The following DCC variants were observed in gnomAD, a reference collection of about 807,000 sequenced individuals.
The protein encoded by DCC is DCC netrin 1 receptor, also known as netrin receptor DCC.
A neutral mutation model predicts 172.5 loss-of-function variants in DCC; 58 were observed. The ratio of observed to expected loss-of-function variants is 0.34; its 90% CI spans 0.27 to 0.42. The LOEUF (loss-of-function observed/expected upper bound fraction) is 0.42. DCC is among the 10% of genes least tolerant of loss of function. DCC has a pLI of 1.00. For missense variants in DCC, 1,740 were observed against 1,791.0 expected (o/e 0.97, Z 0.51); for synonymous variants, 709 against 644.5 (o/e 1.10, Z -1.52).
intron 12 of DCC, among the ~76,000 whole-genome samples, chr18:53,250,495 T>A (rs2056415999): frequency 6.6e-6 from 1 of 151,848 alleles, no homozygotes; most frequent in South Asian, 2.1e-4. Context: ...CCCTCTGCCT[T>A]GTTTCACTCT....
intron 25 of DCC, among the ~76,000 whole-genome samples, chr18:53,470,995 C>G (rs1169986258): frequency 1.3e-5 from 2 of 152,142 alleles, no homozygotes; most frequent in Non-Finnish European, 2.9e-5. Context: ...TAAATTCAGT[C>G]TTTTACCAAA....
At chr18:53,099,725 A>C (rs1435332578) in intron 7 of DCC, among the ~76,000 whole-genome samples, 1 of 152,050 alleles carries the variant, frequency 6.6e-6, no homozygotes, top group Non-Finnish European at 1.5e-5. Context: ...TTTGAACCCC[A>C]AAAAAGGGGC....
chr18:52,913,628 T>A (rs961539617), intron 3 of DCC, among the ~76,000 whole-genome samples: 2 of 152,120 alleles, frequency 1.3e-5, no homozygotes, highest in Non-Finnish European at 2.9e-5. Flanking sequence ...GTATTTGAGA[T>A]TGTCCTCCAC....
chr18:53,349,468 A>C (rs964721450), intron 15 of DCC, among the ~76,000 whole-genome samples: 2 of 152,150 alleles, frequency 1.3e-5, no homozygotes, highest in Non-Finnish European at 1.5e-5. Context: ...TTCCGAAGTC[A>C]CTTCCCACAT....
intron 3 of DCC, among the ~76,000 whole-genome samples, chr18:52,909,366 G>C: frequency 6.6e-6 from 1 of 152,050 alleles, no homozygotes; most frequent in South Asian, 2.1e-4. Flanking sequence ...TCTTTTCCTG[G>C]AGTCACTAAA....
intron 1 of DCC, among the ~76,000 whole-genome samples, chr18:52,365,072 T>A (rs1043481968): frequency 4.6e-5 from 7 of 152,108 alleles, no homozygotes; most frequent in African/African-American, 1.7e-4. Flanking sequence ...ATAAATTGAG[T>A]TGGAAAATAT....
intron 15 of DCC, among the ~76,000 whole-genome samples, chr18:53,351,319 T>TATATATA (rs1568074615): frequency 0.085 from 1,868 of 21,908 alleles, 82 homozygotes; most frequent in Non-Finnish European, 0.14. Flanking sequence ...ATATATACAC[T>TATATATA]GTATATATAT....
At position 53,391,719 on chromosome 18, in the gene DCC, C is replaced by G; in HGVS notation, c.2520C>G (p.Leu840=). The G allele has an allele frequency of 1.2e-6, 2 of 1,614,094 alleles. No homozygotes were observed. The highest frequency in any genetic ancestry group is 1.7e-6 in the Non-Finnish European group (2 of 1,180,000). ...ATTTCCCCACCTCGGTCCCAGATCT[C>G]TCCACCCCCATGCTCCCACCAGTAG... The part of the protein sequence containing the change: ...LDDFPTSVPD[L]STPMLPPVGV... The change falls in exon 17 of 29, where the codon CTC becomes CTG. Residue 840 remains leucine (L), a synonymous_variant. Coordinates refer to ENST00000442544, the MANE Select transcript of DCC (RefSeq NM_005215.4).
chr18:53,386,084 A>T lies in DCC; in HGVS notation c.2401A>T (p.Asn801Tyr). The change falls in exon 16 of 29, where the codon AAT becomes TAT. Residue 801 changes from asparagine to tyrosine, a missense_variant. Asn to Tyr is a moderately radical substitution (Grantham distance 143). This residue lies in a region of DCC where 1,732 missense variants were observed against 1,767.4 expected (regional missense o/e 0.98). Coordinates refer to ENST00000442544, the MANE Select transcript of DCC (RefSeq NM_005215.4). ...TGTAATCTCCCTAAAAGCTTTTAAC[A>T]ATGCCGGAGAAGGAGTTCCTCTTTA... ...HYVISLKAFN[N>Y]AGEGVPLYES... The T allele has an allele frequency of 6.2e-7, 1 of 1,613,642 alleles. No homozygotes were observed. The highest frequency in any genetic ancestry group is 1.7e-5 in the Admixed American group (1 of 60,026).
intron 1 of DCC, among the ~76,000 whole-genome samples, chr18:52,487,131 G>C (rs2030264524): frequency 6.6e-6 from 1 of 152,158 alleles, no homozygotes; most frequent in African/African-American, 2.4e-5. Flanking sequence ...TGGACTGGGA[G>C]GGTTGGTGGA....
chr18:52,507,334 AC>A (rs1417698479), intron 1 of DCC, among the ~76,000 whole-genome samples: 2 of 152,212 alleles, frequency 1.3e-5, no homozygotes, highest in African/African-American at 2.4e-5. Context: ...ATATATTAAC[AC>A]AGTGCTTGTA....
chr18:52,857,301 A>G (rs879655374), intron 2 of DCC, among the ~76,000 whole-genome samples: 3 of 152,226 alleles, frequency 2.0e-5, no homozygotes, highest in Non-Finnish European at 4.4e-5. Context: ...ATGCTAATGG[A>G]TGGGCAAGAG....
chr18:52,636,484 T>C (rs2034783075), intron 1 of DCC, among the ~76,000 whole-genome samples: 1 of 152,098 alleles, frequency 6.6e-6, no homozygotes, highest in Non-Finnish European at 1.5e-5. Flanking sequence ...GTCTGGGGGC[T>C]GTTGGGGCAG....
intron 2 of DCC, among the ~76,000 whole-genome samples, chr18:52,867,694 T>C (rs1203437187): frequency 6.6e-6 from 1 of 152,184 alleles, no homozygotes; most frequent in Non-Finnish European, 1.5e-5. Context: ...TATTCTCTGA[T>C]GGTATTTTGT....
At chr18:53,392,904 T>C (rs1487489356) in intron 17 of DCC, among the ~76,000 whole-genome samples, 2 of 152,168 alleles carry the variant, frequency 1.3e-5, no homozygotes, top group African/African-American at 2.4e-5. Flanking sequence ...AAGATACTGA[T>C]TGGGAGTGAA....
chr18:52,651,332 C>T (rs978027894), intron 1 of DCC, among the ~76,000 whole-genome samples: 2 of 151,924 alleles, frequency 1.3e-5, no homozygotes, highest in Non-Finnish European at 2.9e-5. Context: ...AGATGTGGGC[C>T]ACCACACTTG....
Position 53,092,662 on chromosome 18 carries a change from G to A in DCC, c.1261+26496G>A, listed in dbSNP as rs566424416. Among the ~76,000 whole-genome samples, 4 of 152,276 alleles carry A rather than the reference G, an allele frequency of 2.6e-5. No individual in the cohort carries two copies. In the Middle Eastern group the frequency reaches 0.014, roughly 518 times the overall value. On this transcript the variant is annotated intron_variant, in intron 7 of 28. Transcript: ENST00000442544. ...TAACATGCATGAAAGCATTTTAGAT[G>A]TGGAGTTAGCTGATATTATTTGGGT...
At chr18:53,288,577 T>A (rs191347501) in intron 12 of DCC, among the ~76,000 whole-genome samples, 4 of 152,156 alleles carry the variant, frequency 2.6e-5, no homozygotes, top group Non-Finnish European at 4.4e-5. Flanking sequence ...TGTGCAGATA[T>A]AATTTTAAGT....
intron 1 of DCC, among the ~76,000 whole-genome samples, chr18:52,495,083 T>C (rs540595557): frequency 2.2e-4 from 33 of 152,208 alleles, no homozygotes; most frequent in African/African-American, 7.5e-4. Flanking sequence ...ACCAAGAGCC[T>C]ACTAAGATCA....
Sources: allele counts gnomAD v4.1 joint callset (sites outside exome capture counted in the v4.1 genomes callset), GRCh38; gene constraint gnomAD v4.1.1; regional missense constraint gnomAD v4.1.1; transcripts MANE v1.5; gene names NCBI Gene and HGNC (gene_info 2026-07-23, HGNC 2026-07-21).